Variants in BCKDHB observed in about 807,000 individuals in gnomAD.
The protein encoded by BCKDHB is branched chain keto acid dehydrogenase E1 subunit beta, also known as 2-oxoisovalerate dehydrogenase subunit beta, mitochondrial.
Under a neutral mutation model 48.5 loss-of-function variants are expected in BCKDHB, and 41 were observed. The observed-to-expected ratio is 0.85, with a 90% CI of 0.66 to 1.10. BCKDHB has a LOEUF of 1.10. Ranked by LOEUF, BCKDHB falls within the 50% of genes least tolerant of loss-of-function variation. The pLI is 0.00. For missense variants in BCKDHB, 496 were observed against 494.2 expected (o/e 1.00, Z -0.03); for synonymous variants, 201 against 174.8 (o/e 1.15, Z -1.18).
At chr6:80,348,657 G>C (rs1770310104), downstream of BCKDHB, among the ~76,000 whole-genome samples, 2 of 152,194 alleles carry the variant, frequency 1.3e-5, no homozygotes, top group Admixed American at 6.5e-5. Flanking sequence ...CCTGCTCCAA[G>C]TACACCTGAA....
chr6:80,402,011 T>C, the BCKDHB span, among the ~76,000 whole-genome samples: 1 of 151,842 alleles, frequency 6.6e-6, no homozygotes, highest in Non-Finnish European at 1.5e-5. Flanking sequence ...TATCTATTTA[T>C]CCACTGATTG....
chr6:80,226,753 T>C (rs1775695903), intron 8 of BCKDHB, among the ~76,000 whole-genome samples: 1 of 152,188 alleles, frequency 6.6e-6, no homozygotes, highest in African/African-American at 2.4e-5. Flanking sequence ...GCGCCTGCCT[T>C]CAGCGTTTTT....
intron 8 of BCKDHB, among the ~76,000 whole-genome samples, chr6:80,248,886 TTGTG>T (rs1290899252): frequency 6.5e-5 from 8 of 122,682 alleles, no homozygotes; most frequent in South Asian, 6.0e-4. Context: ...GGTTGGAAGT[TTGTG>T]TGTGTGTGTG....
Position 80,305,072 on chromosome 6 carries a change from A to G in BCKDHB, c.1038+31851A>G, listed in dbSNP as rs535060543. Reference sequence around the variant, plus strand: ...GGTAAAAGAAATAAAAATGCCGTTCATTGACAGAATATGATTTTCTACATA... The same window carrying G: ...GGTAAAAGAAATAAAAATGCCGTTCGTTGACAGAATATGATTTTCTACATA... On this transcript the variant is annotated intron_variant, in intron 9 of 9. Coordinates refer to ENST00000320393, the MANE Select transcript of BCKDHB (RefSeq NM_183050.4). Among the ~76,000 whole-genome samples, 3 of 152,302 alleles carry G rather than the reference A, an allele frequency of 2.0e-5. No individual in the cohort carries two copies. The East Asian group carries it at 5.8e-4, about 29-fold the overall frequency.
chr6:80,202,654 C>A (rs186625757), intron 7 of BCKDHB, among the ~76,000 whole-genome samples: 17 of 152,104 alleles, frequency 1.1e-4, no homozygotes, highest in African/African-American at 2.9e-4. Context: ...GGTTTTCTTT[C>A]TAGCTCTTTA....
the BCKDHB span, among the ~76,000 whole-genome samples, chr6:80,444,958 A>G: frequency 1.3e-5 from 2 of 152,210 alleles, no homozygotes; most frequent in Non-Finnish European, 2.9e-5. Context: ...GAATTTTTTA[A>G]GAGAATGAGA....
the BCKDHB span, among the ~76,000 whole-genome samples, chr6:80,396,720 G>A: frequency 6.6e-6 from 1 of 152,202 alleles, no homozygotes; most frequent in Admixed American, 6.5e-5. Context: ...TGTTTTATAA[G>A]GGGTTTTTCC....
At chr6:80,245,131 T>C (rs1373750072) in intron 8 of BCKDHB, among the ~76,000 whole-genome samples, 4 of 152,260 alleles carry the variant, frequency 2.6e-5, no homozygotes, top group East Asian at 1.9e-4. Context: ...GTAAAGTACT[T>C]AGAACACTGT....
intron 7 of BCKDHB, 25 bp from the exon 8 acceptor site, chr6:80,203,077 C>A (rs777920081): frequency 6.7e-7 from 1 of 1,502,054 alleles, no homozygotes; most frequent in South Asian, 1.1e-5. Flanking sequence ...TAGTCATTCT[C>A]TGCATATTTT....
the BCKDHB span, among the ~76,000 whole-genome samples, chr6:80,449,530 G>A: frequency 3.7e-4 from 57 of 152,192 alleles, no homozygotes; most frequent in African/African-American, 1.3e-3. Context: ...AGGTTATGTC[G>A]AGGAGACGTT....
At chr6:80,427,157 G>C in the BCKDHB span, among the ~76,000 whole-genome samples, 7 of 151,792 alleles carry the variant, frequency 4.6e-5, no homozygotes, top group Non-Finnish European at 7.4e-5. Context: ...TAATATAGCT[G>C]TTTTAGCTTT....
chr6:80,127,717 A>G, intron 2 of BCKDHB, 93 bp downstream of exon 2: 1 of 1,136,256 alleles, frequency 8.8e-7, no homozygotes, highest in Non-Finnish European at 1.3e-6. Context: ...AATGGTTAAC[A>G]TTGTATCTAC....
chr6:80,306,766 G>T (rs185207859), intron 9 of BCKDHB, among the ~76,000 whole-genome samples: 1 of 152,310 alleles, frequency 6.6e-6, no homozygotes, highest in Non-Finnish European at 1.5e-5. Flanking sequence ...TACAGCTGTG[G>T]ATTCATAGCA....
chr6:80,181,584 A>G (rs1773414760), intron 6 of BCKDHB, among the ~76,000 whole-genome samples: 1 of 152,124 alleles, frequency 6.6e-6, no homozygotes, highest in Non-Finnish European at 1.5e-5. Context: ...TGCTGATTTT[A>G]GTTGGGCTAT....
chr6:80,115,915 A>AGT (rs1769676515), intron 1 of BCKDHB, among the ~76,000 whole-genome samples: 1 of 92,308 alleles, frequency 1.1e-5, no homozygotes, highest in African/African-American at 4.4e-5. Flanking sequence ...GTTTCTAAGG[A>AGT]ATATGAGGAT....
chr6:80,192,194 T>C (rs1472158582), intron 6 of BCKDHB, among the ~76,000 whole-genome samples: 5 of 152,214 alleles, frequency 3.3e-5, no homozygotes, highest in Non-Finnish European at 7.3e-5. Flanking sequence ...ATTAGCAGTT[T>C]TTTTTCTAAT....
At chr6:80,432,091 G>A in the BCKDHB span, among the ~76,000 whole-genome samples, 22 of 151,998 alleles carry the variant, frequency 1.4e-4, no homozygotes, top group South Asian at 4.6e-3. Context: ...TCCCTTTGTG[G>A]GTAACCTGAC....
the BCKDHB span, among the ~76,000 whole-genome samples, chr6:80,395,074 T>A: frequency 6.6e-6 from 1 of 152,198 alleles, no homozygotes; most frequent in Non-Finnish European, 1.5e-5. Flanking sequence ...CCACTTTTCA[T>A]CATAAATTAC....
chr6:80,455,390 G>A, the BCKDHB span, among the ~76,000 whole-genome samples: 6 of 151,216 alleles, frequency 4.0e-5, no homozygotes, highest in African/African-American at 1.2e-4. Flanking sequence ...CACACATGTC[G>A]CATCTCCTCA....
Sources: allele counts gnomAD v4.1 joint callset (sites outside exome capture counted in the v4.1 genomes callset), GRCh38; gene constraint gnomAD v4.1.1; transcripts MANE v1.5; gene names NCBI Gene and HGNC (gene_info 2026-07-23, HGNC 2026-07-21).